DDX54: variants seen among roughly 807,000 people sequenced by gnomAD.
DDX54 encodes the protein DEAD-box helicase 54.
Under a neutral mutation model 105.5 loss-of-function variants are expected in DDX54, and 67 were observed. The ratio of observed to expected loss-of-function variants is 0.64; its 90% CI spans 0.52 to 0.78. The LOEUF is 0.78. Ranked by LOEUF, DDX54 falls within the 30% of genes least tolerant of loss-of-function variation. The pLI is 0.00. For synonymous variants in DDX54, 514 were observed against 509.9 expected (o/e 1.01, Z -0.11); for missense variants, 1,206 against 1,230.5 (o/e 0.98, Z 0.30).
intron 18 of DDX54, 124 bp from the exon 19 acceptor site, chr12:113,161,506 C>G: frequency 1.4e-6 from 1 of 731,366 alleles, no homozygotes; most frequent in Non-Finnish European, 2.3e-6. Context: ...GGCCCCGCCC[C>G]CAGCACACAG....
chr12:113,164,883 T>C (rs1056051997), intron 14 of DDX54, among the ~76,000 whole-genome samples: 1 of 151,708 alleles, frequency 6.6e-6, no homozygotes, highest in Non-Finnish European at 1.5e-5. Context: ...AAAAAATAGC[T>C]GGGTGTGGTG....
Position 113,158,844 on chromosome 12 carries a change from C to A in DDX54, c.*33G>T. 2 of 1,560,260 alleles carry A rather than the reference C, an allele frequency of 1.3e-6. No homozygotes were observed. Among genetic ancestry groups the A allele is most frequent in the South Asian group, 1.2e-5 (1 of 83,044 alleles). ...CGTCTGCTGATGCCCACCCTAAGGC[C>A]AATCAAGGAGCCACGGGGCTGGGTC... is the stretch of plus-strand genomic sequence containing the variant. On this transcript the variant is annotated 3_prime_UTR_variant, in exon 20 of 20. Coordinates refer to ENST00000306014, the MANE Select transcript of DDX54 (RefSeq NM_024072.4). The surrounding 1 kb of genome is among the most constrained non-coding windows in gnomAD (Gnocchi z 4.9).
rs1239520399 is a variant in DDX54 at position 113,159,110 on chromosome 12, C to T, written c.2414-1G>A. On this transcript the variant is annotated splice_acceptor_variant, in intron 19 of 19. Coordinates refer to ENST00000306014, the MANE Select transcript of DDX54 (RefSeq NM_024072.4). LOFTEE classifies it high-confidence loss of function. ...CCTGGGGCGTGGGGCCGGGATGCAC[C>T]TGCTGGGACAGGGATTCAGGGAGCT... The T allele has an allele frequency of 1.9e-6, 3 of 1,591,044 alleles. No individual in the cohort carries two copies. The highest frequency in any genetic ancestry group is 2.6e-6 in the Non-Finnish European group (3 of 1,169,946).
In DDX54 at chr12:113,157,877, C is replaced by T; in HGVS notation, c.*1000G>A. 2 of 598,096 alleles carry T rather than the reference C, an allele frequency of 3.3e-6. No homozygotes were observed. The highest frequency in any genetic ancestry group is 6.0e-6 in the Non-Finnish European group (2 of 333,006). The allele number at this position is 598,096 out of a possible 1,614,324, so 37.0% of individuals were successfully genotyped here. A position where few individuals can be genotyped will look rare whatever the true frequency, so the allele number is the denominator to read the frequency against. ...ATAGCAAGCACTCCATAAATGCAGG[C>T]CCTGATGAGGAGGTGATGGGAAGGT... On this transcript the variant is annotated 3_prime_UTR_variant, in exon 20 of 20. Transcript: ENST00000306014.
chr12:113,161,426 G>A, intron 18 of DDX54, 44 bp from the exon 19 acceptor site: 1 of 1,505,764 alleles, frequency 6.6e-7, no homozygotes, highest in Non-Finnish European at 9.1e-7. Flanking sequence ...CCCTGGGATG[G>A]GAGAAGGCTC....
intron 14 of DDX54, 69 bp from the exon 15 acceptor site, chr12:113,164,354 G>A (rs1032407442): frequency 4.0e-6 from 6 of 1,487,290 alleles, no homozygotes; most frequent in Non-Finnish European, 5.4e-6. Flanking sequence ...ACCACTTGGT[G>A]GGCTTCCTAT....
chr12:113,182,240 C>G (rs1432586879), intron 1 of DDX54, among the ~76,000 whole-genome samples: 1 of 152,146 alleles, frequency 6.6e-6, no homozygotes, highest in African/African-American at 2.4e-5. Flanking sequence ...GGATGTGAAC[C>G]CTGGCTTCAG....
intron 2 of DDX54, 52 bp downstream of exon 2, chr12:113,180,877 T>A (rs200332077): frequency 1.9e-6 from 3 of 1,589,986 alleles, no homozygotes; most frequent in East Asian, 2.4e-5. Context: ...AGAGGCGGGG[T>A]TGACCTCCAG....
intron 2 of DDX54, 115 bp downstream of exon 2, chr12:113,180,814 C>G: frequency 6.5e-7 from 1 of 1,536,026 alleles, no homozygotes. Context: ...TCTGCTACCC[C>G]GGTCTACCCA....
In DDX54 at chr12:113,172,696, G is replaced by A. The variant is rs1952355800; in HGVS notation, c.1069-133C>T. On this transcript the variant is annotated intron_variant, in intron 10 of 19. Coordinates refer to ENST00000306014, the MANE Select transcript of DDX54 (RefSeq NM_024072.4). ...CGGGTTCTGGAGTCTGGCACCCTTGGTCTGAATCCCAGCTTGCTGGGTGAT... is the reference window on the plus strand; with the variant it reads ...CGGGTTCTGGAGTCTGGCACCCTTGATCTGAATCCCAGCTTGCTGGGTGAT... 2.2e-5 allele frequency: 25 copies of A among 1,111,568 alleles called. No homozygotes were observed. In the South Asian group the frequency reaches 3.2e-4, roughly 14 times the overall value. 68.9% of individuals were successfully genotyped at this position (1,111,568 alleles called of 1,614,324 possible).
At chr12:113,175,731 G>A (rs1374347892) in intron 7 of DDX54, among the ~76,000 whole-genome samples, 1 of 151,958 alleles carries the variant, frequency 6.6e-6, no homozygotes. Flanking sequence ...GGAGCTTGCA[G>A]TGAGCCGACA....
In DDX54 at chr12:113,180,910, G is replaced by A. The variant is rs1033882235; in HGVS notation, c.304+19C>T. ...CAGCTGCCACTCCCGCAGAGTCCCT[G>A]ATGCCAAGTTGCACCCACCCATGGA... On this transcript the variant is annotated intron_variant, in intron 2 of 19. Transcript: ENST00000306014. 4 of 1,612,890 alleles carry A rather than the reference G, an allele frequency of 2.5e-6. No individual in the cohort carries two copies. The highest frequency in any genetic ancestry group is 4.5e-5 in the East Asian group (2 of 44,804).
intron 7 of DDX54, among the ~76,000 whole-genome samples, chr12:113,175,780 C>A (rs181938139): frequency 0.028 from 4,226 of 150,794 alleles, 116 homozygotes; most frequent in African/African-American, 0.07. Context: ...CAGAGTGAGA[C>A]TCCGTCTCAA....
chr12:113,170,135 T>C (rs959194247), intron 11 of DDX54, among the ~76,000 whole-genome samples: 11 of 152,192 alleles, frequency 7.2e-5, no homozygotes, highest in African/African-American at 2.4e-4. Context: ...AGCAAGGCCC[T>C]GCTCATGAGC....
chr12:113,175,060 G>A lies in DDX54; in HGVS notation c.850C>T (p.Leu284=). ...TVLFSATLPK[L]LVEFARAGLT... ...CCAGCCCGGGCAAATTCCACCAGCAGTTTGGGCAGCGTGGCGGAGAACAGC... is the reference window on the plus strand; with the variant it reads ...CCAGCCCGGGCAAATTCCACCAGCAATTTGGGCAGCGTGGCGGAGAACAGC... Residue 284 remains leucine (L), a synonymous_variant, in exon 8 of 20, where the codon CTG becomes TTG. Coordinates refer to ENST00000306014, the MANE Select transcript of DDX54 (RefSeq NM_024072.4). 6.2e-7 allele frequency: 1 copy of A among 1,613,970 alleles called. No individual in the cohort carries two copies. Among genetic ancestry groups the A allele is most frequent in the Non-Finnish European group, 8.5e-7 (1 of 1,180,006 alleles).
chr12:113,158,539 C>A lies in DDX54; in HGVS notation c.*338G>T. On this transcript the variant is annotated 3_prime_UTR_variant, in exon 20 of 20. Coordinates refer to ENST00000306014, the MANE Select transcript of DDX54 (RefSeq NM_024072.4). This position sits in a 1 kb window ranked among gnomAD's most constrained non-coding sequence, Gnocchi z 4.9. Reference sequence around the variant, plus strand: ...TACATTAAAAATTCCATTGCCAAACCCTGAGGCACTCAGGGCTCTGACCGG... The same window carrying A: ...TACATTAAAAATTCCATTGCCAAACACTGAGGCACTCAGGGCTCTGACCGG... 3.9e-6 allele frequency: 1 copy of A among 256,772 alleles called. No individual in the cohort carries two copies. The highest frequency in any genetic ancestry group is 2.2e-5 in the African/African-American group (1 of 45,254). The allele number at this position is 256,772 out of a possible 1,614,324, so 15.9% of individuals were successfully genotyped here. A position where few individuals can be genotyped will look rare whatever the true frequency, so the allele number is the denominator to read the frequency against.
At chr12:113,180,256 C>T (rs1343885364) in intron 2 of DDX54, among the ~76,000 whole-genome samples, 2 of 152,182 alleles carry the variant, frequency 1.3e-5, no homozygotes, top group Admixed American at 1.3e-4. Flanking sequence ...TGAACACTAA[C>T]GGGGTCTTAG....
At chr12:113,162,038 C>A in intron 17 of DDX54, 41 bp from the exon 18 acceptor site, 2 of 1,596,486 alleles carry the variant, frequency 1.3e-6, no homozygotes, top group Non-Finnish European at 1.7e-6. Flanking sequence ...TGGAGGGAAA[C>A]CCTTGGAGTG....
chr12:113,177,173 C>A, intron 5 of DDX54, 80 bp from the exon 6 acceptor site: 1 of 1,523,228 alleles, frequency 6.6e-7, no homozygotes, highest in Non-Finnish European at 9.0e-7. Flanking sequence ...CCAGGCAAGG[C>A]TGCACACCCC....
Sources: allele counts gnomAD v4.1 joint callset (sites outside exome capture counted in the v4.1 genomes callset), GRCh38; gene constraint gnomAD v4.1.1; non-coding constraint Gnocchi (gnomAD v3.1); transcripts MANE v1.5; gene names NCBI Gene and HGNC (gene_info 2026-07-23, HGNC 2026-07-21).